MCF2L2: variants seen among roughly 807,000 people sequenced by gnomAD.
MCF2L2 encodes the protein MCF.2 cell line derived transforming sequence-like 2.
MCF2L2 carries 102 observed loss-of-function variants against 150.2 expected under a neutral mutation model. That is an observed-to-expected ratio of 0.68 (90% CI 0.58 to 0.80). The LOEUF is 0.80. MCF2L2 is among the 30% of genes least tolerant of loss of function. MCF2L2 has a pLI of 0.00. For synonymous variants in MCF2L2, 465 were observed against 491.3 expected (o/e 0.95, Z 0.71); for missense variants, 1,256 against 1,372.8 (o/e 0.91, Z 1.34).
chr3:183,419,675 C>T (rs1377977314), intron 1 of MCF2L2, among the ~76,000 whole-genome samples: 1 of 152,084 alleles, frequency 6.6e-6, no homozygotes, highest in Non-Finnish European at 1.5e-5. Context: ...GAGTTTGGGA[C>T]CAGCCTGGCC....
chr3:183,389,605 A>G, intron 2 of MCF2L2, 91 bp downstream of exon 2: 1 of 1,089,974 alleles, frequency 9.2e-7, no homozygotes, highest in African/African-American at 1.5e-5. Flanking sequence ...GTGAGATTTG[A>G]GTATAACATT....
intron 15 of MCF2L2, among the ~76,000 whole-genome samples, chr3:183,274,567 G>T (rs949125366): frequency 2.6e-5 from 4 of 151,994 alleles, no homozygotes; most frequent in African/African-American, 9.7e-5. Context: ...CGAATTATTT[G>T]TTTATGGTAG....
At chr3:183,273,102 G>A (rs966178989) in intron 15 of MCF2L2, 1 of 1,302,866 alleles carries the variant, frequency 7.7e-7, no homozygotes, top group Non-Finnish European at 1.0e-6. Flanking sequence ...AAAAAAGAAG[G>A]AAAAAACTTT....
At position 183,197,712 on chromosome 3, in the gene MCF2L2, C is replaced by T. The variant is rs1722122411; in HGVS notation, c.2885-2457G>A. 6.6e-6 allele frequency among the ~76,000 whole-genome samples: 1 copy of T among 152,002 alleles called. No homozygotes were observed. The highest frequency in any genetic ancestry group is 1.5e-5 in the Non-Finnish European group (1 of 68,010). ...AAATATTTACAAAGCATTAAAAGGA[C>T]ATATATCTAGGATATACATAAAAAC... is the stretch of plus-strand genomic sequence containing the variant. On this transcript the variant is annotated intron_variant, in intron 25 of 29. Coordinates refer to ENST00000328913, the MANE Select transcript of MCF2L2 (RefSeq NM_015078.4). The surrounding 1 kb of genome is among the most constrained non-coding windows in gnomAD (Gnocchi z 4.5).
At chr3:183,397,645 G>A (rs1714537604) in intron 1 of MCF2L2, among the ~76,000 whole-genome samples, 1 of 152,156 alleles carries the variant, frequency 6.6e-6, no homozygotes, top group South Asian at 2.1e-4. Context: ...CAATGAATAA[G>A]ATTGGGTTGG....
At chr3:183,356,902 AG>A (rs1422604634) in intron 3 of MCF2L2, among the ~76,000 whole-genome samples, 1 of 152,248 alleles carries the variant, frequency 6.6e-6, no homozygotes. Context: ...CCATAAAACA[AG>A]AATACACTCT....
rs942478048 is a variant in MCF2L2 at position 183,330,330 on chromosome 3, G to A, written c.487-6979C>T. 5.9e-5 allele frequency among the ~76,000 whole-genome samples: 9 copies of A among 151,560 alleles called. No homozygotes were observed. The South Asian group carries it at 1.9e-3, about 32-fold the overall frequency. On this transcript the variant is annotated intron_variant, in intron 5 of 29. Coordinates refer to ENST00000328913, the MANE Select transcript of MCF2L2 (RefSeq NM_015078.4). Reference sequence around the variant, plus strand: ...GGAAAAACTTTTTTTAAAAAGTACAGTAAAAATAGAGTTTTATAATTTTAT... The same window carrying A: ...GGAAAAACTTTTTTTAAAAAGTACAATAAAAATAGAGTTTTATAATTTTAT...
chr3:183,339,231 C>T (rs532080906), intron 4 of MCF2L2, among the ~76,000 whole-genome samples: 1 of 152,104 alleles, frequency 6.6e-6, no homozygotes, highest in Non-Finnish European at 1.5e-5. Context: ...TGAAAACTCA[C>T]CCATGGGTTT....
intron 1 of MCF2L2, among the ~76,000 whole-genome samples, chr3:183,400,926 G>A (rs1714719933): frequency 6.6e-6 from 1 of 152,170 alleles, no homozygotes. Context: ...TAGGCTGCCA[G>A]TAATAAAATC....
At chr3:183,425,600 C>T (rs1480846372) in intron 1 of MCF2L2, among the ~76,000 whole-genome samples, 1 of 152,186 alleles carries the variant, frequency 6.6e-6, no homozygotes, top group Non-Finnish European at 1.5e-5. Context: ...GAAACGCCCG[C>T]TCCACCTTGA....
At chr3:183,184,326 A>C (rs1721624785) in intron 27 of MCF2L2, among the ~76,000 whole-genome samples, 1 of 152,210 alleles carries the variant, frequency 6.6e-6, no homozygotes, top group Non-Finnish European at 1.5e-5. Context: ...TGATTATAGC[A>C]AAATTCTAAG....
intron 9 of MCF2L2, 115 bp downstream of exon 9, chr3:183,310,800 G>T: frequency 1.5e-6 from 1 of 683,368 alleles, no homozygotes; most frequent in Non-Finnish European, 2.5e-6. Flanking sequence ...AAGGAGATAA[G>T]GAGAAAGCTG....
rs1357755154 is a variant in MCF2L2, at chr3:183,311,760, A to G, written c.766T>C (p.Leu256=). ...AATGTGGTCCCCTGCTTTCCAAGTA[A>G]TTTCAGCTCATCCTAGAAAATAAAA... The part of the protein sequence containing the change: ...QRDKLQDELK[L]LGKQGTTLLS... The change falls in exon 8 of 30, where the codon TTA becomes CTA. Residue 256 remains leucine (L), a synonymous_variant. Coordinates refer to ENST00000328913, the MANE Select transcript of MCF2L2 (RefSeq NM_015078.4). 1 of 1,613,488 alleles carries G rather than the reference A, an allele frequency of 6.2e-7. No individual in the cohort carries two copies. Among genetic ancestry groups the G allele is most frequent in the Admixed American group, 1.7e-5 (1 of 59,838 alleles).
intron 1 of MCF2L2, among the ~76,000 whole-genome samples, chr3:183,416,274 G>A (rs1715584483): frequency 6.6e-6 from 1 of 152,048 alleles, no homozygotes; most frequent in African/African-American, 2.4e-5. Flanking sequence ...TCTGAGACAA[G>A]AAAGGAGAAC....
intron 15 of MCF2L2, chr3:183,271,100 A>G (rs1433472471): frequency 1.8e-6 from 1 of 565,062 alleles, no homozygotes; most frequent in African/African-American, 2.0e-5. Context: ...GTTTAATATC[A>G]CTTATCTACT....
At chr3:183,289,581 T>A (rs1219464049) in intron 13 of MCF2L2, among the ~76,000 whole-genome samples, 1 of 152,024 alleles carries the variant, frequency 6.6e-6, no homozygotes, top group Non-Finnish European at 1.5e-5. Flanking sequence ...TTTGGCTGGG[T>A]TTGGTGGCTC....
At chr3:183,213,070 T>C (rs553676031) in intron 22 of MCF2L2, among the ~76,000 whole-genome samples, 1 of 151,834 alleles carries the variant, frequency 6.6e-6, no homozygotes, top group African/African-American at 2.4e-5. Context: ...GAAACTGAAA[T>C]AGAAATAAAA....
chr3:183,389,128 C>T (rs887487350), intron 2 of MCF2L2, among the ~76,000 whole-genome samples: 3 of 152,042 alleles, frequency 2.0e-5, no homozygotes, highest in African/African-American at 4.8e-5. Flanking sequence ...TTTGGCTGAG[C>T]GAATAAGAAA....
intron 14 of MCF2L2, among the ~76,000 whole-genome samples, chr3:183,281,392 C>T (rs1413286547): frequency 7.1e-6 from 1 of 140,896 alleles, no homozygotes; most frequent in South Asian, 2.2e-4. Context: ...TGGAAACTCA[C>T]TGGGTTTTGA....
Sources: gnomAD v4.1 joint callset for allele counts (sites outside exome capture counted in the v4.1 genomes callset) on GRCh38, gnomAD v4.1.1 for gene constraint, Gnocchi (gnomAD v3.1) non-coding constraint, MANE v1.5 for transcripts, NCBI Gene and HGNC (gene_info 2026-07-23, HGNC 2026-07-21) for gene names.